ZBTB7C: variants seen among roughly 807,000 people sequenced by gnomAD.
ZBTB7C encodes the protein zinc finger and BTB domain-containing protein 7C.
ZBTB7C carries 8 observed loss-of-function variants against 25.7 expected under a neutral mutation model. The ratio of observed to expected loss-of-function variants is 0.31; its 90% confidence interval spans 0.18 to 0.56. The LOEUF is 0.56. ZBTB7C is among the 20% of genes least tolerant of loss of function. The pLI is 0.91. For missense variants in ZBTB7C, 824 were observed against 855.2 expected, an observed-to-expected ratio of 0.96 and a Z score of 0.46; for synonymous variants, 394 against 369.0, an observed-to-expected ratio of 1.07 and a Z score of -0.78.
chr18:48,040,223 C>T lies in ZBTB7C; in HGVS notation c.885G>A (p.Glu295=). ...GTGGCGGTGGGGGTGGGGGCAGCTC[C>T]TCCTTCTCCTCCTCCTTGATCTTCC... ...KNRKIKEEEK[E]ELPPPPPPPF... Residue 295 remains glutamate, a synonymous_variant, in exon 4 of 5, where the codon GAG becomes GAA. Coordinates refer to ENST00000590800, the MANE Select transcript of ZBTB7C (RefSeq NM_001318841.2). 6.4e-7 allele frequency: 1 copy of T among 1,569,460 alleles called. No homozygotes were observed. The highest frequency in any genetic ancestry group is 8.6e-7 in the Non-Finnish European group (1 of 1,159,898).
intron 3 of ZBTB7C, among the ~76,000 whole-genome samples, chr18:48,070,419 G>A (rs1165513390): frequency 1.3e-5 from 2 of 152,176 alleles, no homozygotes; most frequent in Admixed American, 6.5e-5. Flanking sequence ...GAAAAGGATT[G>A]GTGCTATCTT....
At chr18:48,183,519 A>G (rs2145117295) in intron 3 of ZBTB7C, among the ~76,000 whole-genome samples, 1 of 152,342 alleles carries the variant, frequency 6.6e-6, no homozygotes, top group African/African-American at 2.4e-5. Flanking sequence ...TTCGGGATTG[A>G]TTTCTATTTT....
intron 2 of ZBTB7C, among the ~76,000 whole-genome samples, chr18:48,258,211 T>A (rs1198368252): frequency 6.6e-6 from 1 of 152,196 alleles, no homozygotes; most frequent in Non-Finnish European, 1.5e-5. Context: ...CTATTCAACA[T>A]TGTCCTGAAT....
At chr18:48,265,532 A>C (rs550414493) in intron 2 of ZBTB7C, among the ~76,000 whole-genome samples, 2 of 152,310 alleles carry the variant, frequency 1.3e-5, no homozygotes, top group East Asian at 3.9e-4. Context: ...CCAGAGGAGA[A>C]CTAAATGACA....
chr18:48,364,857 T>G (rs1410963894), intron 1 of ZBTB7C, among the ~76,000 whole-genome samples: 1 of 152,220 alleles, frequency 6.6e-6, no homozygotes, highest in Non-Finnish European at 1.5e-5. Context: ...CGTTTAATTA[T>G]ATAAATTATA....
intron 2 of ZBTB7C, among the ~76,000 whole-genome samples, chr18:48,199,896 C>G (rs1322003453): frequency 2.0e-5 from 3 of 152,288 alleles, no homozygotes; most frequent in African/African-American, 7.2e-5. Flanking sequence ...GGCTTGAGCG[C>G]TATACTCAAA....
At chr18:48,332,066 C>A (rs528087826) in intron 2 of ZBTB7C, among the ~76,000 whole-genome samples, 3 of 152,234 alleles carry the variant, frequency 2.0e-5, no homozygotes, top group Admixed American at 6.5e-5. Context: ...AATATTTAAC[C>A]CAATTCTCTC....
intron 2 of ZBTB7C, among the ~76,000 whole-genome samples, chr18:48,217,348 T>C (rs2042848432): frequency 6.6e-6 from 1 of 152,120 alleles, no homozygotes; most frequent in African/African-American, 2.4e-5. Flanking sequence ...ATCAGAAGCA[T>C]TACTAAGACA....
At chr18:48,129,409 C>T (rs939465971) in intron 3 of ZBTB7C, among the ~76,000 whole-genome samples, 18 of 151,652 alleles carry the variant, frequency 1.2e-4, no homozygotes, top group Admixed American at 3.3e-4. Flanking sequence ...AAACATGTTC[C>T]TTTCAAAGCT....
intron 4 of ZBTB7C, among the ~76,000 whole-genome samples, chr18:48,034,712 T>C (rs1318704462): frequency 1.3e-5 from 2 of 152,170 alleles, no homozygotes; most frequent in African/African-American, 4.8e-5. Flanking sequence ...AAATCCAACA[T>C]GCTCCCCTCT....
intron 2 of ZBTB7C, among the ~76,000 whole-genome samples, chr18:48,311,074 T>A (rs936049740): frequency 6.6e-6 from 1 of 152,192 alleles, no homozygotes; most frequent in African/African-American, 2.4e-5. Context: ...CAGTCAGTAC[T>A]CTGTGATACC....
At chr18:48,271,418 C>T (rs1218315654) in intron 2 of ZBTB7C, among the ~76,000 whole-genome samples, 1 of 151,250 alleles carries the variant, frequency 6.6e-6, no homozygotes, top group East Asian at 1.9e-4. Flanking sequence ...TTATTTCATA[C>T]ATATATCAAA....
intron 3 of ZBTB7C, among the ~76,000 whole-genome samples, chr18:48,111,732 A>C (rs1324062252): frequency 1.3e-5 from 2 of 152,208 alleles, no homozygotes; most frequent in African/African-American, 2.4e-5. Context: ...CTCATTATTA[A>C]AGACCAACCT....
At chr18:48,269,083 C>A (rs1480243577) in intron 2 of ZBTB7C, among the ~76,000 whole-genome samples, 3 of 151,744 alleles carry the variant, frequency 2.0e-5, no homozygotes, top group Non-Finnish European at 4.4e-5. Context: ...GCCTCAGCCT[C>A]CTGAGTAGCT....
intron 3 of ZBTB7C, among the ~76,000 whole-genome samples, chr18:48,104,418 T>C (rs974729910): frequency 1.3e-5 from 2 of 152,224 alleles, no homozygotes; most frequent in Non-Finnish European, 2.9e-5. Flanking sequence ...CCATGCTCCT[T>C]GCACAGCTTG....
chr18:48,404,434 C>G (rs191232789), intron 1 of ZBTB7C, among the ~76,000 whole-genome samples: 1 of 152,178 alleles, frequency 6.6e-6, no homozygotes, highest in Non-Finnish European at 1.5e-5. Context: ...AGGTCAGAGA[C>G]GCAGACAGGG....
At chr18:48,314,986 G>A (rs986841264) in intron 2 of ZBTB7C, among the ~76,000 whole-genome samples, 2 of 152,136 alleles carry the variant, frequency 1.3e-5, no homozygotes, top group African/African-American at 4.8e-5. Flanking sequence ...GATGAAAGGA[G>A]CCCTCTGCAG....
intron 3 of ZBTB7C, among the ~76,000 whole-genome samples, chr18:48,141,563 G>C (rs544670714): frequency 0.02 from 3,116 of 152,138 alleles, 111 homozygotes; most frequent in African/African-American, 0.072. Flanking sequence ...CGTGAACTGG[G>C]CGGGGGGGAA....
intron 1 of ZBTB7C, among the ~76,000 whole-genome samples, chr18:48,372,200 G>C (rs2047404667): frequency 6.6e-6 from 1 of 152,196 alleles, no homozygotes; most frequent in African/African-American, 2.4e-5. Context: ...CTGGACAATA[G>C]GAAGAGCCTC....
Sources: gnomAD v4.1 joint callset for allele counts (sites outside exome capture counted in the v4.1 genomes callset) on GRCh38, gnomAD v4.1.1 for gene constraint, MANE v1.5 for transcripts, NCBI Gene and HGNC (gene_info 2026-07-23, HGNC 2026-07-21) for gene names.